SGCZ: variants seen among roughly 807,000 people sequenced by gnomAD.
The protein encoded by SGCZ is sarcoglycan zeta.
A neutral mutation model predicts 41.3 loss-of-function variants in SGCZ; 40 were observed. The ratio of observed to expected loss-of-function variants is 0.97; its 90% CI spans 0.75 to 1.26. The LOEUF (loss-of-function observed/expected upper bound fraction) is 1.26. SGCZ is among the 50% of genes most tolerant of loss of function. The probability of loss-of-function intolerance (pLI) is 0.00; values close to 1 mark genes in which losing one functional copy is unlikely to be tolerated. For missense variants in SGCZ, 552 were observed against 369.8 expected (o/e 1.49, Z -4.04); for synonymous variants, 206 against 137.5 (o/e 1.50, Z -3.49).
chr8:14,567,372 T>C (rs1349473024), intron 1 of SGCZ, among the ~76,000 whole-genome samples: 2 of 152,184 alleles, frequency 1.3e-5, no homozygotes, highest in Non-Finnish European at 2.9e-5. Flanking sequence ...CGGCACTCTG[T>C]ATCTAGCTCA....
At chr8:15,186,720 A>G (rs879920589) in intron 1 of SGCZ, among the ~76,000 whole-genome samples, 17 of 152,190 alleles carry the variant, frequency 1.1e-4, no homozygotes, top group African/African-American at 4.1e-4. Context: ...GTTTTACTTA[A>G]TTTGAAAACT....
chr8:15,112,764 G>C (rs1018804703), intron 1 of SGCZ, among the ~76,000 whole-genome samples: 3 of 152,186 alleles, frequency 2.0e-5, no homozygotes, highest in East Asian at 3.9e-4. Flanking sequence ...CCACTGGAGA[G>C]AGTCACCTTG....
Position 14,108,235 on chromosome 8 carries a change from C to G in SGCZ, c.548G>C (p.Gly183Ala). 1.2e-6 allele frequency: 2 copies of G among 1,614,008 alleles called. No individual in the cohort carries two copies. Among genetic ancestry groups the G allele is most frequent in the Non-Finnish European group, 1.7e-6 (2 of 1,179,952 alleles). ...TIGAEKLKVTGTEGAVFGHSV... is the reference protein window; with the variant it reads ...TIGAEKLKVTATEGAVFGHSV... The stretch of plus-strand genomic sequence containing the variant: ...GTGCCCAAATACGGCTCCTTCAGTG[C>G]CTGGGGGTAGCATGAATATAGCAGT... Residue 183 changes from glycine (G) to alanine (A), a missense_variant and splice_region_variant, in exon 6 of 8, where the codon GGC (glycine) becomes GCC (alanine). Transcript: ENST00000382080.
chr8:14,514,806 T>C (rs772796550), intron 2 of SGCZ, among the ~76,000 whole-genome samples: 7 of 62,396 alleles, frequency 1.1e-4, no homozygotes, highest in Non-Finnish European at 1.7e-4. Context: ...TGTGTGTGTG[T>C]GTGTGTGTAT....
At chr8:14,586,141 G>T (rs10086949) in intron 1 of SGCZ, among the ~76,000 whole-genome samples, 118,715 of 152,166 alleles carry the variant, frequency 0.78, 46,609 homozygotes, top group Non-Finnish European at 0.84. Context: ...CGTTGTCTTA[G>T]ATTTCATGCT....
At chr8:14,982,820 T>A (rs908580582) in intron 1 of SGCZ, among the ~76,000 whole-genome samples, 1 of 152,218 alleles carries the variant, frequency 6.6e-6, no homozygotes, top group Non-Finnish European at 1.5e-5. Context: ...AAATATTCAC[T>A]TATTTGGCCC....
chr8:15,015,762 T>C (rs1306054721), intron 1 of SGCZ, among the ~76,000 whole-genome samples: 1 of 146,264 alleles, frequency 6.8e-6, no homozygotes, highest in African/African-American at 2.5e-5. Context: ...TGTGTGTGTG[T>C]GTGTGTGTAG....
chr8:14,782,971 G>C (rs950859617), intron 1 of SGCZ, among the ~76,000 whole-genome samples: 3 of 151,994 alleles, frequency 2.0e-5, no homozygotes, highest in Admixed American at 6.6e-5. Context: ...ATAGATTAAT[G>C]GATATTATAA....
chr8:14,941,949 T>A (rs1264135126), intron 1 of SGCZ, among the ~76,000 whole-genome samples: 1 of 151,846 alleles, frequency 6.6e-6, no homozygotes. Flanking sequence ...AATGCATGAG[T>A]CTAATGTGAG....
intron 1 of SGCZ, among the ~76,000 whole-genome samples, chr8:14,565,504 A>T (rs1350775830): frequency 1.3e-5 from 2 of 152,054 alleles, no homozygotes; most frequent in African/African-American, 4.8e-5. Flanking sequence ...CAACAAAGAC[A>T]GTCCACGGGC....
chr8:14,983,211 G>T (rs1311896716), intron 1 of SGCZ, among the ~76,000 whole-genome samples: 2 of 142,922 alleles, frequency 1.4e-5, no homozygotes, highest in Non-Finnish European at 3.0e-5. Flanking sequence ...TTTGAGACAG[G>T]TTCTCACTCT....
chr8:15,019,693 G>A (rs1803180601), intron 1 of SGCZ, among the ~76,000 whole-genome samples: 1 of 151,640 alleles, frequency 6.6e-6, no homozygotes, highest in Non-Finnish European at 1.5e-5. Context: ...GAATCTCACT[G>A]TGATGCCACA....
At chr8:14,276,248 G>C (rs1433228223) in intron 3 of SGCZ, among the ~76,000 whole-genome samples, 1 of 152,124 alleles carries the variant, frequency 6.6e-6, no homozygotes, top group Non-Finnish European at 1.5e-5. Context: ...TTGGAATGTG[G>C]TGTGTATTTA....
At chr8:14,205,370 T>A (rs2117081001) in intron 4 of SGCZ, among the ~76,000 whole-genome samples, 1 of 152,316 alleles carries the variant, frequency 6.6e-6, no homozygotes, top group Non-Finnish European at 1.5e-5. Flanking sequence ...TTCCAAGCAA[T>A]CTGCTAAAAT....
intron 4 of SGCZ, among the ~76,000 whole-genome samples, chr8:14,223,629 G>T (rs929742780): frequency 1.3e-5 from 2 of 152,012 alleles, no homozygotes; most frequent in African/African-American, 4.8e-5. Flanking sequence ...TTTGTTAAAG[G>T]GACAGATGCT....
Position 14,681,119 on chromosome 8 carries a change from C to A in SGCZ, c.40-126193G>T, listed in dbSNP as rs145770968. Among the ~76,000 whole-genome samples, 568 of 152,084 alleles carry A rather than the reference C, an allele frequency of 3.7e-3. 3 individuals carry two copies. Among genetic ancestry groups the A allele is most frequent in the African/African-American group, 0.013 (541 of 41,512 alleles). On this transcript the variant is annotated intron_variant, in intron 1 of 7. Coordinates refer to ENST00000382080, the MANE Select transcript of SGCZ (RefSeq NM_139167.4). ...TGAAATAATGGCAAAAACAGGCCCA[C>A]AACAACTGTAAATTAAAGAAAAAAT...
intron 1 of SGCZ, among the ~76,000 whole-genome samples, chr8:14,914,760 AT>A (rs1307774180): frequency 6.6e-6 from 1 of 152,174 alleles, no homozygotes; most frequent in Non-Finnish European, 1.5e-5. Flanking sequence ...AATACAATTC[AT>A]TTCTTTGTAT....
chr8:14,897,348 A>C (rs1805238358), intron 1 of SGCZ, among the ~76,000 whole-genome samples: 1 of 152,224 alleles, frequency 6.6e-6, no homozygotes, highest in Non-Finnish European at 1.5e-5. Flanking sequence ...CTGCTTAAGA[A>C]ATAACATTTA....
intron 1 of SGCZ, among the ~76,000 whole-genome samples, chr8:14,642,274 C>A (rs993213531): frequency 6.6e-6 from 1 of 151,522 alleles, no homozygotes; most frequent in Non-Finnish European, 1.5e-5. Flanking sequence ...GTAACAATAT[C>A]ATTATTATTT....
Sources: allele counts gnomAD v4.1 joint callset (sites outside exome capture counted in the v4.1 genomes callset), GRCh38; gene constraint gnomAD v4.1.1; transcripts MANE v1.5; gene names NCBI Gene and HGNC (gene_info 2026-07-23, HGNC 2026-07-21).